Variants in RNLS observed in about 807,000 individuals in gnomAD.
RNLS encodes the protein renalase, FAD dependent amine oxidase, also known as renalase.
In RNLS, 39 loss-of-function variants were observed where a neutral mutation model predicts 39.8. That is an observed-to-expected ratio of 0.98 (90% CI 0.76 to 1.28). RNLS has a LOEUF of 1.28. Among genes scored for constraint, RNLS ranks in the 50% most tolerant of loss-of-function variants. RNLS has a pLI of 0.00. For missense variants in RNLS, 410 were observed against 413.3 expected (o/e 0.99, Z 0.07); for synonymous variants, 147 against 150.7 (o/e 0.98, Z 0.18).
At chr10:88,397,064 C>T (rs1480546859) in intron 4 of RNLS, among the ~76,000 whole-genome samples, 3 of 151,882 alleles carry the variant, frequency 2.0e-5, no homozygotes, top group Non-Finnish European at 4.4e-5. Flanking sequence ...AACAGCCAGA[C>T]AGAAGATCAA....
intron 6 of RNLS, among the ~76,000 whole-genome samples, chr10:88,306,210 T>A (rs1844902344): frequency 6.6e-6 from 1 of 152,048 alleles, no homozygotes; most frequent in South Asian, 2.1e-4. Flanking sequence ...GTACTAAATG[T>A]CCACCTGAAA....
At chr10:88,514,121 TA>T (rs762756164) in intron 4 of RNLS, among the ~76,000 whole-genome samples, 4,398 of 120,058 alleles carry the variant, frequency 0.037, 70 homozygotes, top group Non-Finnish European at 0.054. Context: ...GGGTAATTTA[TA>T]AAAAAAAAAA....
the RNLS span, among the ~76,000 whole-genome samples, chr10:88,207,314 C>A: frequency 9.9e-5 from 15 of 151,942 alleles, no homozygotes; most frequent in African/African-American, 3.6e-4. Flanking sequence ...ATACTAAGAA[C>A]TGTCAAAACT....
At chr10:88,496,443 A>G (rs1845180641) in intron 4 of RNLS, among the ~76,000 whole-genome samples, 1 of 152,206 alleles carries the variant, frequency 6.6e-6, no homozygotes. Flanking sequence ...TTACTTCTTC[A>G]GACACTGAAA....
chr10:88,303,137 T>C (rs1025393257), intron 6 of RNLS, among the ~76,000 whole-genome samples: 9 of 152,180 alleles, frequency 5.9e-5, no homozygotes, highest in African/African-American at 2.2e-4. Flanking sequence ...CATAGGCCTG[T>C]GGAACTCTGG....
chr10:88,235,772 CAT>C, the RNLS span, among the ~76,000 whole-genome samples: 1 of 150,778 alleles, frequency 6.6e-6, no homozygotes, highest in Non-Finnish European at 1.5e-5. Context: ...CTTTATTTTT[CAT>C]ATATATATAT....
At chr10:88,354,209 G>A (rs1421799606) in intron 5 of RNLS, among the ~76,000 whole-genome samples, 2 of 152,118 alleles carry the variant, frequency 1.3e-5, no homozygotes, top group African/African-American at 4.8e-5. Flanking sequence ...CATTTAGCCT[G>A]TTTACATGTA....
chr10:88,227,166 T>C, the RNLS span, among the ~76,000 whole-genome samples: 2 of 152,166 alleles, frequency 1.3e-5, no homozygotes, highest in African/African-American at 4.8e-5. Flanking sequence ...TTATAGAACA[T>C]GTTTGCTGAT....
chr10:88,517,027 T>C (rs1846440209), intron 4 of RNLS, among the ~76,000 whole-genome samples: 1 of 152,014 alleles, frequency 6.6e-6, no homozygotes, highest in Non-Finnish European at 1.5e-5. Context: ...TTATATTCTA[T>C]CTATATTATG....
chr10:88,339,654 A>G (rs961297771), intron 5 of RNLS, among the ~76,000 whole-genome samples: 1 of 152,232 alleles, frequency 6.6e-6, no homozygotes, highest in Non-Finnish European at 1.5e-5. Context: ...AGCTGAATTA[A>G]GATTACAGGT....
chr10:88,279,458 G>A (rs1303777319), downstream of RNLS, among the ~76,000 whole-genome samples: 2 of 151,926 alleles, frequency 1.3e-5, no homozygotes, highest in Non-Finnish European at 2.9e-5. Flanking sequence ...TTTCATAGAC[G>A]AGGGCCCTGC....
At chr10:88,306,692 C>T (rs557204297) in intron 6 of RNLS, among the ~76,000 whole-genome samples, 1 of 152,122 alleles carries the variant, frequency 6.6e-6, no homozygotes, top group East Asian at 1.9e-4. Context: ...AACAAGTAGC[C>T]TACGAACCAA....
Position 88,582,197 on chromosome 10 carries a change from C to G in RNLS, c.224+5G>C, listed in dbSNP as rs1850622843. The G allele has an allele frequency of 1.2e-6, 2 of 1,609,588 alleles. No individual in the cohort carries two copies. Among genetic ancestry groups the G allele is most frequent in the Non-Finnish European group, 1.7e-6 (2 of 1,176,644 alleles). The stretch of plus-strand genomic sequence containing the variant: ...GATTGATTCCACTCCTTGCAACTAA[C>G]TCACCGTTGGTGTTTTTTGGCATAA... On this transcript the variant is annotated splice_donor_5th_base_variant and intron_variant, in intron 2 of 6. Transcript: ENST00000331772.
At chr10:88,182,540 A>T in the RNLS span, among the ~76,000 whole-genome samples, 1 of 152,162 alleles carries the variant, frequency 6.6e-6, no homozygotes, top group African/African-American at 2.4e-5. Context: ...CATTCACTTT[A>T]CAAAAATACC....
intron 4 of RNLS, among the ~76,000 whole-genome samples, chr10:88,392,594 C>T (rs1232831594): frequency 6.6e-6 from 1 of 152,166 alleles, no homozygotes; most frequent in Non-Finnish European, 1.5e-5. Context: ...CAATGGCCAC[C>T]TATGACAAAG....
chr10:88,509,697 G>A (rs991716112), intron 4 of RNLS, among the ~76,000 whole-genome samples: 11 of 149,608 alleles, frequency 7.4e-5, no homozygotes, highest in African/African-American at 2.0e-4. Flanking sequence ...TAGGCCAGGT[G>A]TTCTCTACCA....
chr10:88,381,611 G>A (rs775566066), intron 4 of RNLS, among the ~76,000 whole-genome samples: 8 of 151,666 alleles, frequency 5.3e-5, no homozygotes, highest in African/African-American at 1.2e-4. Context: ...GTAGATGACC[G>A]TCCCTTTGAA....
At chr10:88,303,250 T>C (rs531660857) in intron 6 of RNLS, among the ~76,000 whole-genome samples, 9 of 152,320 alleles carry the variant, frequency 5.9e-5, no homozygotes, top group African/African-American at 2.2e-4. Context: ...CCCAGATGGT[T>C]TGGTGCAGGA....
intron 4 of RNLS, among the ~76,000 whole-genome samples, chr10:88,548,377 T>C (rs1322718363): frequency 6.7e-5 from 10 of 148,550 alleles, no homozygotes; most frequent in Admixed American, 6.7e-4. Context: ...AAATACAGTT[T>C]TCCTGTAATC....
Sources: allele counts gnomAD v4.1 joint callset (sites outside exome capture counted in the v4.1 genomes callset), GRCh38; gene constraint gnomAD v4.1.1; transcripts MANE v1.5; gene names NCBI Gene and HGNC (gene_info 2026-07-23, HGNC 2026-07-21).